Variants in EGF observed in about 807,000 individuals in gnomAD.
EGF encodes the protein pro-epidermal growth factor.
A neutral mutation model predicts 143.8 loss-of-function variants in EGF; 95 were observed. The ratio of observed to expected loss-of-function variants is 0.66; its 90% CI spans 0.56 to 0.78. The LOEUF is 0.78. Ranked by LOEUF, EGF falls within the 30% of genes least tolerant of loss-of-function variation. The pLI is 0.00. For missense variants in EGF, 1,320 were observed against 1,470.9 expected (o/e 0.90, Z 1.68); for synonymous variants, 510 against 510.5 (o/e 1.00, Z 0.01).
chr4:109,961,021 A>T (rs1745604516), intron 7 of EGF, 32 bp downstream of exon 7: 1 of 1,612,508 alleles, frequency 6.2e-7, no homozygotes, highest in Admixed American at 1.7e-5. Context: ...TTATTGCATT[A>T]GTTTTCTTCA....
chr4:109,920,318 A>C (rs1364691201), intron 1 of EGF, among the ~76,000 whole-genome samples: 2 of 151,886 alleles, frequency 1.3e-5, no homozygotes, highest in South Asian at 4.1e-4. Flanking sequence ...ACTTATTGCA[A>C]ACAAAACAAT....
intron 1 of EGF, among the ~76,000 whole-genome samples, chr4:109,926,381 GTC>G (rs1269284617): frequency 1.4e-5 from 2 of 145,916 alleles, no homozygotes; most frequent in African/African-American, 5.2e-5. Context: ...CCGAGACGGA[GTC>G]TCTCTCTGTC....
At chr4:109,982,247 G>A (rs1436398087) in intron 15 of EGF, among the ~76,000 whole-genome samples, 1 of 151,824 alleles carries the variant, frequency 6.6e-6, no homozygotes. Context: ...GGCCTCAAGT[G>A]GTCTTCCCAC....
chr4:109,942,744 A>G (rs1742135844), intron 2 of EGF, among the ~76,000 whole-genome samples: 1 of 152,176 alleles, frequency 6.6e-6, no homozygotes, highest in African/African-American at 2.4e-5. Context: ...GGCATGAAGG[A>G]CTATAGAAAG....
Position 110,013,077 on chromosome 4 carries a change from T to A in EGF, c.*1622T>A, listed in dbSNP as rs969351801. Among the ~76,000 whole-genome samples the A allele has an allele frequency of 7.2e-5, 11 of 152,170 alleles. No homozygotes were observed. Among genetic ancestry groups the A allele is most frequent in the African/African-American group, 2.7e-4 (11 of 41,440 alleles). On this transcript the variant is annotated 3_prime_UTR_variant, in exon 24 of 24. Coordinates refer to ENST00000265171, the MANE Select transcript of EGF (RefSeq NM_001963.6). ...TCAGTATGATACCTCACCCAGCTAATTTAGATTTTTCTATATTCGGTTTTG... is the reference window on the plus strand; with the variant it reads ...TCAGTATGATACCTCACCCAGCTAAATTAGATTTTTCTATATTCGGTTTTG...
chr4:110,012,930 T>C lies in EGF; in HGVS notation c.*1475T>C, dbSNP rs1213270168. Among the ~76,000 whole-genome samples the C allele has an allele frequency of 6.6e-6, 1 of 152,332 alleles. No homozygotes were observed. Among genetic ancestry groups the C allele is most frequent in the East Asian group, 1.9e-4 (1 of 5,190 alleles). On this transcript the variant is annotated 3_prime_UTR_variant, in exon 24 of 24. Transcript: ENST00000265171. The stretch of plus-strand genomic sequence containing the variant: ...TTCTCAACCCCTTGTACTTTGGTGA[T>C]ACCAGACATCAGAATAAAAAGAAAT...
intron 1 of EGF, among the ~76,000 whole-genome samples, chr4:109,919,309 C>G (rs914788661): frequency 2.4e-4 from 35 of 145,940 alleles, no homozygotes; most frequent in African/African-American, 8.4e-4. Context: ...CTCTCTCTCT[C>G]TCTCTCTCTC....
rs1741835128 is a variant in EGF, at chr4:109,941,000, C to T, written c.182C>T (p.Thr61Ile). The T allele has an allele frequency of 1.2e-6, 2 of 1,614,036 alleles. No individual in the cohort carries two copies. The highest frequency in any genetic ancestry group is 2.7e-5 in the African/African-American group (2 of 75,032). ...SHGNSIFRIDTEGTNYEQLVV... is the reference protein window; with the variant it reads ...SHGNSIFRIDIEGTNYEQLVV... ...GGAAATAGTATCTTTAGGATTGACA[C>T]AGAAGGAACCAATTATGAGCAATTG... The change falls in exon 2 of 24, where the codon ACA becomes ATA. Residue 61 changes from threonine to isoleucine, a missense_variant. By Grantham distance (89) the Thr-to-Ile change is moderately conservative. Transcript: ENST00000265171.
At position 109,959,305 on chromosome 4, in the gene EGF, CT is replaced by C. The variant is rs1745306102; in HGVS notation, c.941-3del. 6.2e-7 allele frequency: 1 copy of C among 1,613,872 alleles called. No homozygotes were observed. ...CCCCACTCCAAATAAAGCATCTTCT[CT>C]TTTAGAGCAGAAACTTTGCAAATTG... On this transcript the variant is annotated splice_polypyrimidine_tract_variant and splice_region_variant and intron_variant, in intron 5 of 23. Coordinates refer to ENST00000265171, the MANE Select transcript of EGF (RefSeq NM_001963.6).
chr4:110,003,553 G>A (rs11569105), intron 21 of EGF, among the ~76,000 whole-genome samples: 1 of 151,952 alleles, frequency 6.6e-6, no homozygotes, highest in African/African-American at 2.4e-5. Flanking sequence ...TCCAGGTAGG[G>A]CTTTTGACAG....
intron 2 of EGF, 120 bp downstream of exon 2, chr4:109,941,265 C>A: frequency 1.2e-6 from 1 of 852,656 alleles, no homozygotes; most frequent in Non-Finnish European, 1.9e-6. Flanking sequence ...GCGTGTCTGC[C>A]AAATATAGGC....
chr4:109,959,400 G>A lies in EGF; in HGVS notation c.1029G>A (p.Glu343=), dbSNP rs773001111. ...DLQSHLCMCA[E]GYALSRDRKY... ...AGTCACACTTGTGCATGTGTGCAGA[G>A]GGATACGCCCTAAGTCGAGACCGGA... The change falls in exon 6 of 24, where the codon GAG becomes GAA. Residue 343 remains glutamate (E), a synonymous_variant. Coordinates refer to ENST00000265171, the MANE Select transcript of EGF (RefSeq NM_001963.6). 1.2e-6 allele frequency: 2 copies of A among 1,614,012 alleles called. No homozygotes were observed. Among genetic ancestry groups the A allele is most frequent in the East Asian group, 2.2e-5 (1 of 44,872 alleles).
chr4:109,964,377 C>G, intron 9 of EGF, 24 bp from the exon 10 acceptor site: 2 of 1,613,630 alleles, frequency 1.2e-6, no homozygotes, highest in Non-Finnish European at 1.7e-6. Flanking sequence ...TTAAATTCAG[C>G]CATATTTGAA....
At chr4:109,972,206 A>G (rs991362147) in intron 11 of EGF, among the ~76,000 whole-genome samples, 5 of 152,188 alleles carry the variant, frequency 3.3e-5, no homozygotes, top group African/African-American at 1.2e-4. Flanking sequence ...TTGAACTCCC[A>G]TGAACTCAAA....
chr4:109,964,319 C>G lies in EGF; in HGVS notation c.1439-82C>G, dbSNP rs1005990759. The G allele has an allele frequency of 5.7e-6, 9 of 1,582,714 alleles. No homozygotes were observed. In the Admixed American group the frequency reaches 1.5e-4, roughly 26 times the overall value. ...ACTGTAGAAATTGGGTAAAAAGGTACAGTGAAAGGGAAGAGTCAGAGATGC... is the reference window on the plus strand; with the variant it reads ...ACTGTAGAAATTGGGTAAAAAGGTAGAGTGAAAGGGAAGAGTCAGAGATGC... On this transcript the variant is annotated intron_variant, in intron 9 of 23. Coordinates refer to ENST00000265171, the MANE Select transcript of EGF (RefSeq NM_001963.6).
Position 109,983,471 on chromosome 4 carries a change from C to G in EGF, c.2421C>G (p.Ser807=). ...AAGTAACACCATTGGACATCTTGTC[C>G]AAGACTAGAGTGTCAGAAGATAACA... ...KNQVTPLDIL[S]KTRVSEDNIT... Residue 807 remains serine, a synonymous_variant, in exon 16 of 24, where the codon TCC becomes TCG. Coordinates refer to ENST00000265171, the MANE Select transcript of EGF (RefSeq NM_001963.6). 1.2e-6 allele frequency: 2 copies of G among 1,613,648 alleles called. No homozygotes were observed. Among genetic ancestry groups the G allele is most frequent in the Non-Finnish European group, 1.7e-6 (2 of 1,179,808 alleles).
chr4:109,972,901 C>T (rs1049591027), intron 11 of EGF, among the ~76,000 whole-genome samples: 3 of 152,122 alleles, frequency 2.0e-5, no homozygotes, highest in African/African-American at 7.2e-5. Context: ...TCTGTAAAAC[C>T]GGGAGGAGGG....
chr4:109,954,599 G>A (rs1355730558), intron 5 of EGF, among the ~76,000 whole-genome samples: 3 of 152,078 alleles, frequency 2.0e-5, no homozygotes, highest in Non-Finnish European at 4.4e-5. Flanking sequence ...GGAAGTTGAG[G>A]CAGTCATTAT....
intron 20 of EGF, among the ~76,000 whole-genome samples, chr4:109,996,896 G>A (rs1187767504): frequency 6.6e-6 from 1 of 152,080 alleles, no homozygotes; most frequent in Non-Finnish European, 1.5e-5. Flanking sequence ...TTCTGAACAG[G>A]TCTTCTTTAG....
Sources: allele counts gnomAD v4.1 joint callset (sites outside exome capture counted in the v4.1 genomes callset), GRCh38; gene constraint gnomAD v4.1.1; transcripts MANE v1.5; gene names NCBI Gene and HGNC (gene_info 2026-07-23, HGNC 2026-07-21).